Variants in SCARA3 observed in about 807,000 individuals in gnomAD.
SCARA3 encodes the protein cellular stress response gene protein.
A neutral mutation model predicts 47.0 loss-of-function variants in SCARA3; 39 were observed. The observed-to-expected ratio is 0.83, with a 90% CI of 0.64 to 1.08. SCARA3 has a LOEUF of 1.08. Among genes scored for constraint, SCARA3 ranks in the 50% least tolerant of loss-of-function variants. The pLI is 0.00. For missense variants in SCARA3, 724 were observed against 792.3 expected (o/e 0.91, Z 1.04); for synonymous variants, 356 against 334.1 (o/e 1.07, Z -0.71).
At chr8:27,651,103 G>T (rs1460083248) in intron 2 of SCARA3, among the ~76,000 whole-genome samples, 4 of 152,242 alleles carry the variant, frequency 2.6e-5, no homozygotes, top group Non-Finnish European at 5.9e-5. Context: ...TGTGATGGGA[G>T]ACTTTCAGTG....
the SCARA3 span, among the ~76,000 whole-genome samples, chr8:27,698,602 G>A: frequency 1.3e-5 from 2 of 152,154 alleles, no homozygotes; most frequent in African/African-American, 2.4e-5. Flanking sequence ...ATAGTTGTTT[G>A]TATAGAAAAT....
chr8:27,638,314 T>TTGTGTA (rs1554535997), intron 1 of SCARA3, among the ~76,000 whole-genome samples: 1 of 146,620 alleles, frequency 6.8e-6, no homozygotes, highest in East Asian at 2.0e-4. Flanking sequence ...AATTTAGTGA[T>TTGTGTA]TGTGTGTGTG....
intron 1 of SCARA3, among the ~76,000 whole-genome samples, chr8:27,646,052 G>A (rs1801485495): frequency 2.0e-5 from 3 of 152,200 alleles, no homozygotes; most frequent in Admixed American, 2.0e-4. Context: ...AGTTACTACA[G>A]CATTCCAGAC....
chr8:27,724,262 C>T, the SCARA3 span, among the ~76,000 whole-genome samples: 24 of 152,204 alleles, frequency 1.6e-4, no homozygotes, highest in African/African-American at 5.1e-4. Flanking sequence ...ATCAGGAAGA[C>T]GCCATAAATA....
chr8:27,657,408 T>C (rs1801765709), intron 4 of SCARA3, among the ~76,000 whole-genome samples: 2 of 149,588 alleles, frequency 1.3e-5, no homozygotes, highest in Admixed American at 1.3e-4. Flanking sequence ...GGGGTAGAAA[T>C]GATCCTGTCA....
the SCARA3 span, among the ~76,000 whole-genome samples, chr8:27,719,732 T>A: frequency 6.6e-6 from 1 of 152,136 alleles, no homozygotes; most frequent in Admixed American, 6.6e-5. Flanking sequence ...CCCTATGCTG[T>A]TGATTTTTTT....
chr8:27,669,273 G>A (rs1466253225), intron 5 of SCARA3, among the ~76,000 whole-genome samples: 2 of 152,246 alleles, frequency 1.3e-5, no homozygotes, highest in Non-Finnish European at 2.9e-5. Flanking sequence ...TTGGAACAGG[G>A]TTGCCAGCAT....
intron 1 of SCARA3, among the ~76,000 whole-genome samples, chr8:27,638,252 G>T (rs1801299493): frequency 6.6e-6 from 1 of 152,018 alleles, no homozygotes. Context: ...GTACAGGGTG[G>T]CATAGCTGGG....
chr8:27,710,401 C>G, the SCARA3 span, among the ~76,000 whole-genome samples: 1 of 152,142 alleles, frequency 6.6e-6, no homozygotes, highest in Admixed American at 6.6e-5. Flanking sequence ...TACATACAGC[C>G]TCTTTTGCAT....
chr8:27,717,127 T>G, the SCARA3 span, among the ~76,000 whole-genome samples: 1 of 152,172 alleles, frequency 6.6e-6, no homozygotes, highest in Admixed American at 6.5e-5. Flanking sequence ...ATGGGACAGC[T>G]GGGTGTGACA....
chr8:27,723,221 A>G, the SCARA3 span, among the ~76,000 whole-genome samples: 1 of 152,146 alleles, frequency 6.6e-6, no homozygotes, highest in Admixed American at 6.5e-5. Flanking sequence ...TGCCCCACAA[A>G]TGACCTGAAC....
downstream of SCARA3, among the ~76,000 whole-genome samples, chr8:27,680,599 C>G (rs1046710574): frequency 6.6e-6 from 1 of 152,094 alleles, no homozygotes; most frequent in Non-Finnish European, 1.5e-5. Context: ...GGTTTTATTA[C>G]TGATTTATTT....
At chr8:27,696,811 C>T in the SCARA3 span, among the ~76,000 whole-genome samples, 24 of 151,924 alleles carry the variant, frequency 1.6e-4, no homozygotes. Flanking sequence ...TTTTATGATT[C>T]TATTTATATG....
chr8:27,715,859 TA>T, the SCARA3 span, among the ~76,000 whole-genome samples: 1 of 92,214 alleles, frequency 1.1e-5, no homozygotes, highest in African/African-American at 4.6e-5. This position sits in a 1 kb window ranked among gnomAD's most constrained non-coding sequence, Gnocchi z 4.2. Flanking sequence ...GATAGATAGA[TA>T]GATACATAGA....
At chr8:27,687,070 G>A in the SCARA3 span, among the ~76,000 whole-genome samples, 1 of 152,146 alleles carries the variant, frequency 6.6e-6, no homozygotes, top group African/African-American at 2.4e-5. Context: ...CCCAGGGGTG[G>A]GCAGGTGACT....
chr8:27,721,258 G>T, the SCARA3 span, among the ~76,000 whole-genome samples: 1 of 152,128 alleles, frequency 6.6e-6, no homozygotes, highest in Middle Eastern at 3.4e-3. Context: ...ATCTGTATTT[G>T]CTGTAAAATT....
At chr8:27,707,577 G>A in the SCARA3 span, among the ~76,000 whole-genome samples, 2 of 151,392 alleles carry the variant, frequency 1.3e-5, no homozygotes, top group African/African-American at 4.8e-5. Flanking sequence ...GAAAAGGTAA[G>A]AACATTAGGG....
intron 5 of SCARA3, among the ~76,000 whole-genome samples, 193 bp from the exon 6 acceptor site, chr8:27,670,707 C>T (rs574638694): frequency 5.9e-5 from 9 of 152,002 alleles, no homozygotes; most frequent in East Asian, 1.9e-4. Context: ...CGGAGCTTCT[C>T]GAAGCTGGCC....
chr8:27,716,271 C>A, the SCARA3 span, among the ~76,000 whole-genome samples: 1 of 152,048 alleles, frequency 6.6e-6, no homozygotes, highest in African/African-American at 2.4e-5. Context: ...TGTGATTTCG[C>A]CATTGTACTC....
Sources: gnomAD v4.1 joint callset for allele counts (sites outside exome capture counted in the v4.1 genomes callset) on GRCh38, gnomAD v4.1.1 for gene constraint, Gnocchi (gnomAD v3.1) non-coding constraint, MANE v1.5 for transcripts, NCBI Gene and HGNC (gene_info 2026-07-23, HGNC 2026-07-21) for gene names.